The following FBXO30 variants were observed in gnomAD, a reference collection of about 807,000 sequenced individuals.
FBXO30 encodes the protein F-box protein 30.
FBXO30 carries 21 observed loss-of-function variants against 58.1 expected under a neutral mutation model. That is an observed-to-expected ratio of 0.36 (90% CI 0.26 to 0.52). The LOEUF (loss-of-function observed/expected upper bound fraction) is 0.52. FBXO30 is among the 20% of genes least tolerant of loss of function. The pLI, the probability that FBXO30 is intolerant of heterozygous loss-of-function variation, is 0.93. For missense variants in FBXO30, 744 were observed against 897.3 expected (o/e 0.83, Z 2.18); for synonymous variants, 309 against 312.4 (o/e 0.99, Z 0.11).
At position 145,799,546 on chromosome 6, in the gene FBXO30, T is replaced by C. The variant is rs1777934751; in HGVS notation, c.*560A>G. The C allele has an allele frequency of 6.6e-6, 1 of 152,570 alleles. No homozygotes were observed. Among genetic ancestry groups the C allele is most frequent in the Admixed American group, 6.6e-5 (1 of 15,254 alleles). The allele number at this position is 152,570 out of a possible 1,614,324, so 9.5% of individuals were successfully genotyped here. ...TCTTTGTGGATTATTTTTAAAACGA[T>C]AAACTGCATTACCAAACTTTATGAT... On this transcript the variant is annotated 3_prime_UTR_variant, in exon 3 of 3. Transcript: ENST00000237281.
chr6:145,814,608 G>C lies in FBXO30; in HGVS notation c.-22C>G, dbSNP rs1778447859. ...GCGGGCCTCCCGTCACTCACCGGCC[G>C]GCGCGGCCGAACCGCGGCCCAGGCC... On this transcript the variant is annotated 5_prime_UTR_variant, in exon 1 of 3. Coordinates refer to ENST00000237281, the MANE Select transcript of FBXO30 (RefSeq NM_032145.5). 1 of 151,930 alleles carries C rather than the reference G, an allele frequency of 6.6e-6. No individual in the cohort carries two copies. The highest frequency in any genetic ancestry group is 1.5e-5 in the Non-Finnish European group (1 of 68,028). The allele number at this position is 151,930 out of a possible 1,614,324, so 9.4% of individuals were successfully genotyped here.
chr6:145,799,994 C>A lies in FBXO30; in HGVS notation c.*112G>T. On this transcript the variant is annotated 3_prime_UTR_variant, in exon 3 of 3. Transcript: ENST00000237281. ...ATGTCACTTCAAAACATTATATACA[C>A]AGTGACAATAAATTTAGCTAGTTGT... The A allele has an allele frequency of 1.3e-6, 1 of 776,392 alleles. No homozygotes were observed. Among genetic ancestry groups the A allele is most frequent in the Admixed American group, 2.6e-5 (1 of 38,620 alleles). The allele number at this position is 776,392 out of a possible 1,614,324, so 48.1% of individuals were successfully genotyped here. A position where few individuals can be genotyped will look rare whatever the true frequency, so the allele number is the denominator to read the frequency against.
chr6:145,808,634 G>A (rs71566424), intron 1 of FBXO30, among the ~76,000 whole-genome samples: 72 of 152,088 alleles, frequency 4.7e-4, no homozygotes, highest in Non-Finnish European at 8.8e-4. Flanking sequence ...ATGCTGCCCA[G>A]ATTCCTCTTT....
rs999859 is a variant in FBXO30 at position 145,801,891 on chromosome 6, T to A, written c.2035-1582A>T. 4.2e-3 allele frequency among the ~76,000 whole-genome samples: 634 copies of A among 152,118 alleles called. 18 individuals are homozygous for A. The East Asian group carries it at 0.071, about 17-fold the overall frequency. On this transcript the variant is annotated intron_variant, in intron 2 of 2. Transcript: ENST00000237281. ...GAGACAGGCAGTCTCTCTACTTCCA[T>A]ACAACTGAGAGTCTGGTGAAACAAA...
chr6:145,804,344 A>G (rs1482104821), intron 2 of FBXO30, 28 bp downstream of exon 2: 17 of 1,563,390 alleles, frequency 1.1e-5, no homozygotes, highest in African/African-American at 1.4e-5. Context: ...CTTTATGTCA[A>G]ATAAGAGGTT....
At position 145,800,024 on chromosome 6, in the gene FBXO30, T is replaced by C; in HGVS notation, c.*82A>G. The C allele has an allele frequency of 1.0e-6, 1 of 1,002,496 alleles. No individual in the cohort carries two copies. Among genetic ancestry groups the C allele is most frequent in the Non-Finnish European group, 1.5e-6 (1 of 664,568 alleles). 62.1% of individuals were successfully genotyped at this position (1,002,496 alleles called of 1,614,324 possible). On this transcript the variant is annotated 3_prime_UTR_variant, in exon 3 of 3. Coordinates refer to ENST00000237281, the MANE Select transcript of FBXO30 (RefSeq NM_032145.5). ...ACAATAAATTTAGCTAGTTGTAATA[T>C]TTAATACATTAATAAAGTTTCACAT...
chr6:145,798,530 T>G lies in FBXO30; in HGVS notation c.*1576A>C, dbSNP rs554992090. 1.1e-4 allele frequency: 17 copies of G among 152,462 alleles called. No homozygotes were observed. The highest frequency in any genetic ancestry group is 2.4e-4 in the Non-Finnish European group (16 of 67,938). The allele number at this position is 152,462 out of a possible 1,614,324, so 9.4% of individuals were successfully genotyped here. A position where few individuals can be genotyped will look rare whatever the true frequency, so the allele number is the denominator to read the frequency against. On this transcript the variant is annotated 3_prime_UTR_variant, in exon 3 of 3. Coordinates refer to ENST00000237281, the MANE Select transcript of FBXO30 (RefSeq NM_032145.5). ...TTTTCTGTTGTTTTTTCCACAGAAATAGAGACTGTTTATTCAATCTCACAG... is the reference window on the plus strand; with the variant it reads ...TTTTCTGTTGTTTTTTCCACAGAAAGAGAGACTGTTTATTCAATCTCACAG...
At position 145,800,754 on chromosome 6, in the gene FBXO30, T is replaced by C. The variant is rs1459066314; in HGVS notation, c.2035-445A>G. Among the ~76,000 whole-genome samples the C allele has an allele frequency of 4.6e-5, 7 of 152,198 alleles. No individual in the cohort carries two copies. The East Asian group carries it at 1.4e-3, about 29-fold the overall frequency. ...TTTTTCTCCAAGTTTTTCTCTCCCA[T>C]TCCTATTTATAATATCAGTACTAAA... On this transcript the variant is annotated intron_variant, in intron 2 of 2. Coordinates refer to ENST00000237281, the MANE Select transcript of FBXO30 (RefSeq NM_032145.5).
Position 145,805,511 on chromosome 6 carries a change from G to C in FBXO30, c.895C>G (p.Gln299Glu). ...GAATCACCATGTAAATTCTGATTCT[G>C]GTCTATGACCTGGGTACATATATTT... Reference protein sequence around the residue: ...LENICTQVIDQNQNLHGDSKQ... With the variant: ...LENICTQVIDENQNLHGDSKQ... The change falls in exon 2 of 3, where the codon CAG becomes GAG. Residue 299 changes from glutamine to glutamate, a missense_variant. Coordinates refer to ENST00000237281, the MANE Select transcript of FBXO30 (RefSeq NM_032145.5). 6.2e-7 allele frequency: 1 copy of C among 1,605,372 alleles called. No homozygotes were observed. Among genetic ancestry groups the C allele is most frequent in the South Asian group, 1.1e-5 (1 of 89,588 alleles).
rs1297310148 is a variant in FBXO30, at chr6:145,814,718, T to A, written c.-132A>T. 1 of 153,434 alleles carries A rather than the reference T, an allele frequency of 6.5e-6. No individual in the cohort carries two copies. The highest frequency in any genetic ancestry group is 6.6e-5 in the Admixed American group (1 of 15,258). 9.5% of individuals were successfully genotyped at this position (153,434 alleles called of 1,614,324 possible). A position where few individuals can be genotyped will look rare whatever the true frequency, so the allele number is the denominator to read the frequency against. The stretch of plus-strand genomic sequence containing the variant: ...CCACACAGCCGTCCGAACCGCCTCC[T>A]CCGCCCCTCTTCCCCAGCCGGGCCG... On this transcript the variant is annotated 5_prime_UTR_variant, in exon 1 of 3. Coordinates refer to ENST00000237281, the MANE Select transcript of FBXO30 (RefSeq NM_032145.5).
chr6:145,807,483 G>A (rs751801539), intron 1 of FBXO30, among the ~76,000 whole-genome samples: 1 of 152,182 alleles, frequency 6.6e-6, no homozygotes, highest in African/African-American at 2.4e-5. Flanking sequence ...AAAATGCCAG[G>A]TATCTGTAAG....
At chr6:145,811,008 C>T (rs1293012956) in intron 1 of FBXO30, among the ~76,000 whole-genome samples, 1 of 152,160 alleles carries the variant, frequency 6.6e-6, no homozygotes, top group Non-Finnish European at 1.5e-5. Context: ...GTACTCATTA[C>T]ATACTGTCTT....
At position 145,804,525 on chromosome 6, in the gene FBXO30, A is replaced by G; in HGVS notation, c.1881T>C (p.Phe627=). The part of the protein sequence containing the change: ...PFEVLQHIAG[F]LDGFSLCQLS... ...GCTGACATAAGCTGAAGCCATCGAG[A>G]AAGCCTGCAATATGCTGCAGGACCT... is the stretch of plus-strand genomic sequence containing the variant. The change falls in exon 2 of 3, where the codon TTT becomes TTC. Residue 627 remains phenylalanine, a synonymous_variant. Transcript: ENST00000237281. 6.2e-7 allele frequency: 1 copy of G among 1,613,812 alleles called. No individual in the cohort carries two copies. Among genetic ancestry groups the G allele is most frequent in the East Asian group, 2.2e-5 (1 of 44,882 alleles).
chr6:145,805,159 T>A lies in FBXO30; in HGVS notation c.1247A>T (p.Asp416Val). 1 of 1,614,104 alleles carries A rather than the reference T, an allele frequency of 6.2e-7. No individual in the cohort carries two copies. The highest frequency in any genetic ancestry group is 2.2e-5 in the East Asian group (1 of 44,888). ...ATCTATTCCTTGGAGGCCCATAGGATCTTCTGCAACTTCCAAATCTGATGT... is the reference window on the plus strand; with the variant it reads ...ATCTATTCCTTGGAGGCCCATAGGAACTTCTGCAACTTCCAAATCTGATGT... ...VDTSDLEVAE[D>V]PMGLQGIDLI... is the part of the protein sequence containing the mutation. The change falls in exon 2 of 3, where the codon GAT (aspartate) becomes GTT (valine). Residue 416 changes from aspartate to valine, a missense_variant. Asp to Val is a radical substitution (Grantham distance 152, BLOSUM62 -3). Around this residue, in one of 3 missense-constraint regions of FBXO30, gnomAD observed 334 missense variants for 433.7 expected, o/e 0.77. Coordinates refer to ENST00000237281, the MANE Select transcript of FBXO30 (RefSeq NM_032145.5).
At position 145,798,046 on chromosome 6, in the gene FBXO30, G is replaced by A. The variant is rs1408453603; in HGVS notation, c.*2060C>T. ...ATTTTAAAAAAATTAAGGTTCACTA[G>A]TAAAACATGGGTGAGTAATGATGAT... is the stretch of plus-strand genomic sequence containing the variant. On this transcript the variant is annotated 3_prime_UTR_variant, in exon 3 of 3. Transcript: ENST00000237281. 2 of 152,002 alleles carry A rather than the reference G, an allele frequency of 1.3e-5. No individual in the cohort carries two copies. The highest frequency in any genetic ancestry group is 4.8e-5 in the African/African-American group (2 of 41,428). The allele number at this position is 152,002 out of a possible 1,614,324, so 9.4% of individuals were successfully genotyped here.
At chr6:145,812,016 G>A (rs1485967015) in intron 1 of FBXO30, 1 of 152,110 alleles carries the variant, frequency 6.6e-6, no homozygotes, top group Non-Finnish European at 1.5e-5. Flanking sequence ...TGTTTAAAAA[G>A]AGGTGGGGTT....
At position 145,797,470 on chromosome 6, in the gene FBXO30, T is replaced by G. The variant is rs1425154206; in HGVS notation, c.*2636A>C. 6.6e-6 allele frequency: 1 copy of G among 152,082 alleles called. No individual in the cohort carries two copies. Among genetic ancestry groups the G allele is most frequent in the Non-Finnish European group, 1.5e-5 (1 of 67,954 alleles). The allele number at this position is 152,082 out of a possible 1,614,324, so 9.4% of individuals were successfully genotyped here. On this transcript the variant is annotated 3_prime_UTR_variant, in exon 3 of 3. Coordinates refer to ENST00000237281, the MANE Select transcript of FBXO30 (RefSeq NM_032145.5). ...TTCCCTCTAAGTTCTAATACTTTACTGTGCGTTAGAATCACCTAGAGATCT... is the reference window on the plus strand; with the variant it reads ...TTCCCTCTAAGTTCTAATACTTTACGGTGCGTTAGAATCACCTAGAGATCT...
In FBXO30 at chr6:145,804,872, G is replaced by A; in HGVS notation, c.1534C>T (p.Gln512Ter). ...GTAAACATTGAACGCTGCTTGGGTT[G>A]GTACCTAGCGACACATTCCAATACT... ...DLVLECVARY[Q>*]PKQRSMFTFV... is the part of the protein sequence containing the mutation. The change falls in exon 2 of 3, where the codon CAA becomes TAA. Residue 512 changes from glutamine to a stop codon, truncating the protein, a stop_gained. Coordinates refer to ENST00000237281, the MANE Select transcript of FBXO30 (RefSeq NM_032145.5). LOFTEE classifies it high-confidence loss of function. 1 of 1,613,842 alleles carries A rather than the reference G, an allele frequency of 6.2e-7. No individual in the cohort carries two copies.
Position 145,804,625 on chromosome 6 carries a change from G to C in FBXO30, c.1781C>G (p.Ser594Cys), listed in dbSNP as rs1435652808. 5.6e-6 allele frequency: 9 copies of C among 1,613,820 alleles called. No individual in the cohort carries two copies. The highest frequency in any genetic ancestry group is 7.6e-6 in the Non-Finnish European group (9 of 1,179,860). ...TCTAGCAGGCTCCACTAATACTGTAGATACACATGGCTGAACTCCAAATGA... is the reference window on the plus strand; with the variant it reads ...TCTAGCAGGCTCCACTAATACTGTACATACACATGGCTGAACTCCAAATGA... ...LRSFGVQPCV[S>C]TVLVEPARNC... The change falls in exon 2 of 3, where the codon TCT becomes TGT. Residue 594 changes from serine (S) to cysteine (C), a missense_variant. Ser to Cys is a moderately radical substitution (Grantham distance 112, BLOSUM62 -1). Transcript: ENST00000237281.
Sources: gnomAD v4.1 joint callset for allele counts (sites outside exome capture counted in the v4.1 genomes callset) on GRCh38, gnomAD v4.1.1 for gene constraint, gnomAD v4.1.1 regional missense constraint, MANE v1.5 for transcripts, NCBI Gene and HGNC (gene_info 2026-07-23, HGNC 2026-07-21) for gene names.